ATRNL1: variants seen among roughly 807,000 people sequenced by gnomAD.
ATRNL1 encodes attractin-like protein 1.
A neutral mutation model predicts 182.7 loss-of-function variants in ATRNL1; 95 were observed. The observed-to-expected ratio is 0.52, with a 90% CI of 0.44 to 0.62. The LOEUF (loss-of-function observed/expected upper bound fraction) is 0.62, where lower values mean the gene tolerates loss of function less well. ATRNL1 is among the 20% of genes least tolerant of loss of function. The pLI, the probability that ATRNL1 is intolerant of heterozygous loss-of-function variation, is 0.00. For missense variants in ATRNL1, 1,471 were observed against 1,679.5 expected, an observed-to-expected ratio of 0.88 and a Z score of 2.17; for synonymous variants, 576 against 568.3, an observed-to-expected ratio of 1.01 and a Z score of -0.19.
At chr10:115,468,451 G>A (rs2134560325) in intron 23 of ATRNL1, among the ~76,000 whole-genome samples, 1 of 150,932 alleles carries the variant, frequency 6.6e-6, no homozygotes, top group South Asian at 2.1e-4. Flanking sequence ...TAAGTGGTTA[G>A]TTAAAAATTC....
intron 24 of ATRNL1, among the ~76,000 whole-genome samples, chr10:115,510,660 A>C (rs1243290197): frequency 6.6e-6 from 1 of 152,044 alleles, no homozygotes; most frequent in Non-Finnish European, 1.5e-5. Context: ...CTTTATTGCG[A>C]TATTAACTTT....
intron 27 of ATRNL1, among the ~76,000 whole-genome samples, chr10:115,805,713 A>G (rs896002764): frequency 6.6e-6 from 1 of 152,204 alleles, no homozygotes; most frequent in Non-Finnish European, 1.5e-5. Flanking sequence ...TAATACAAGT[A>G]CAGGTAGGCA....
intron 28 of ATRNL1, among the ~76,000 whole-genome samples, chr10:115,873,556 G>A (rs1951632948): frequency 6.6e-6 from 1 of 152,064 alleles, no homozygotes; most frequent in African/African-American, 2.4e-5. Context: ...TTAACATATA[G>A]GTATATGTAG....
At position 115,149,301 on chromosome 10, in the gene ATRNL1, C is replaced by T. The variant is rs144254088; in HGVS notation, c.830-10739C>T. 3.3e-4 allele frequency among the ~76,000 whole-genome samples: 50 copies of T among 152,200 alleles called. 1 individual carries two copies. In the East Asian group the frequency reaches 9.1e-3, roughly 28 times the overall value. On this transcript the variant is annotated intron_variant, in intron 5 of 28. Coordinates refer to ENST00000355044, the MANE Select transcript of ATRNL1 (RefSeq NM_207303.4). ...GTTGGCACAGCTTCCAGCATTCCAG[C>T]TTGCTTATCTATGCTTGCAGCTTGA...
At chr10:115,492,029 C>T (rs1482889504) in intron 24 of ATRNL1, among the ~76,000 whole-genome samples, 4 of 152,144 alleles carry the variant, frequency 2.6e-5, no homozygotes, top group African/African-American at 7.2e-5. Context: ...CCAGGTAAGG[C>T]GATGCCCTAT....
At chr10:115,480,613 A>T (rs1848721948) in intron 24 of ATRNL1, among the ~76,000 whole-genome samples, 1 of 151,138 alleles carries the variant, frequency 6.6e-6, no homozygotes, top group African/African-American at 2.4e-5. Flanking sequence ...AATATGTAAG[A>T]AACACATATA....
chr10:115,291,670 A>C (rs553391934), intron 15 of ATRNL1, among the ~76,000 whole-genome samples: 26 of 152,106 alleles, frequency 1.7e-4, no homozygotes, highest in African/African-American at 6.0e-4. Flanking sequence ...TTATTAATTT[A>C]TGTAGGTTGA....
intron 22 of ATRNL1, among the ~76,000 whole-genome samples, chr10:115,465,284 A>G (rs561437313): frequency 1.3e-5 from 2 of 151,768 alleles, no homozygotes; most frequent in South Asian, 2.1e-4. Flanking sequence ...TTGCTACCAG[A>G]TATCTACCTT....
chr10:115,466,247 T>A (rs1171420532), intron 22 of ATRNL1, among the ~76,000 whole-genome samples: 1 of 151,440 alleles, frequency 6.6e-6, no homozygotes, highest in East Asian at 1.9e-4. Context: ...CTTTATCATA[T>A]TTAGAAAAAT....
chr10:115,903,349 G>C (rs1268513206), intron 28 of ATRNL1, among the ~76,000 whole-genome samples: 1 of 152,032 alleles, frequency 6.6e-6, no homozygotes, highest in African/African-American at 2.4e-5. Context: ...CCCTGGCCTG[G>C]ACTTTGCTTT....
chr10:115,603,893 AG>A (rs1465262730), intron 26 of ATRNL1, among the ~76,000 whole-genome samples: 1 of 152,150 alleles, frequency 6.6e-6, no homozygotes, highest in Non-Finnish European at 1.5e-5. Flanking sequence ...TTTTGCCTGC[AG>A]TTTTCAAAGA....
intron 27 of ATRNL1, among the ~76,000 whole-genome samples, chr10:115,744,836 A>T (rs928264442): frequency 6.6e-6 from 1 of 152,158 alleles, no homozygotes; most frequent in Non-Finnish European, 1.5e-5. Context: ...TAGTTATAAC[A>T]TCAGTTGTTA....
intron 1 of ATRNL1, among the ~76,000 whole-genome samples, chr10:115,099,692 T>C (rs1168849576): frequency 6.6e-6 from 1 of 152,240 alleles, no homozygotes; most frequent in Non-Finnish European, 1.5e-5. Context: ...ACTAATGATA[T>C]TGAGTATCTT....
Position 115,462,018 on chromosome 10 carries a change from A to G in ATRNL1, c.3400A>G (p.Ile1134Val). 1 of 1,608,688 alleles carries G rather than the reference A, an allele frequency of 6.2e-7. No homozygotes were observed. Among genetic ancestry groups the G allele is most frequent in the Non-Finnish European group, 8.5e-7 (1 of 1,176,904 alleles). Residue 1134 changes from isoleucine to valine, a missense_variant, in exon 22 of 29, where the codon ATA (isoleucine) becomes GTA (valine). This residue lies in a region of ATRNL1 where 437 missense variants were observed against 506.0 expected (regional missense o/e 0.86). Transcript: ENST00000355044. ...DDRHHTAINFIANPEQSNKNL... is the reference protein window; with the variant it reads ...DDRHHTAINFVANPEQSNKNL... ...TCGCCACCATACTGCCATAAACTTT[A>G]TAGCAAACCCAGAACAGGTGAGGAA...
At chr10:115,923,589 C>T (rs1223158531) in intron 28 of ATRNL1, among the ~76,000 whole-genome samples, 1 of 152,088 alleles carries the variant, frequency 6.6e-6, no homozygotes, top group Non-Finnish European at 1.5e-5. Context: ...GACATGATCT[C>T]GTTTTTATGG....
At chr10:115,241,753 T>C (rs782563264) in intron 10 of ATRNL1, 28 bp downstream of exon 10, 40 of 1,575,382 alleles carry the variant, frequency 2.5e-5, no homozygotes, top group Non-Finnish European at 3.5e-5. Flanking sequence ...TTGTACAAAG[T>C]AGGAAATATC....
chr10:115,180,573 G>GA (rs1393669320), intron 8 of ATRNL1, among the ~76,000 whole-genome samples: 1 of 151,678 alleles, frequency 6.6e-6, no homozygotes, highest in Admixed American at 6.6e-5. Context: ...AAGAGATAAA[G>GA]AAAAAAATCC....
At chr10:115,406,943 G>GTAGTATTCA (rs1204785919) in intron 20 of ATRNL1, among the ~76,000 whole-genome samples, 1 of 152,076 alleles carries the variant, frequency 6.6e-6, no homozygotes, top group Non-Finnish European at 1.5e-5. Flanking sequence ...CCATTATCAA[G>GTAGTATTCA]TAGTATTCAG....
At chr10:115,204,881 T>C (rs1554893430) in intron 8 of ATRNL1, among the ~76,000 whole-genome samples, 1 of 152,082 alleles carries the variant, frequency 6.6e-6, no homozygotes, top group Non-Finnish European at 1.5e-5. Context: ...GCAGAATTCA[T>C]TAGCGAAGCT....
Sources: gnomAD v4.1 joint callset for allele counts (sites outside exome capture counted in the v4.1 genomes callset) on GRCh38, gnomAD v4.1.1 for gene constraint, gnomAD v4.1.1 regional missense constraint, MANE v1.5 for transcripts, NCBI Gene and HGNC (gene_info 2026-07-23, HGNC 2026-07-21) for gene names.